Variants in PTPRD observed in about 807,000 individuals in gnomAD.
The protein encoded by PTPRD is receptor-type tyrosine-protein phosphatase delta.
A neutral mutation model predicts 214.5 loss-of-function variants in PTPRD; 34 were observed. The observed-to-expected ratio is 0.16, with a 90% CI of 0.12 to 0.21. The LOEUF is 0.21. Ranked by LOEUF, PTPRD falls within the 10% of genes least tolerant of loss-of-function variation. The probability of loss-of-function intolerance (pLI) is 1.00; values close to 1 mark genes in which losing one functional copy is unlikely to be tolerated. For synonymous variants in PTPRD, 1,128 were observed against 845.7 expected, an observed-to-expected ratio of 1.33 and a Z score of -5.79; for missense variants, 2,545 against 2,398.7, an observed-to-expected ratio of 1.06 and a Z score of -1.27.
At chr9:8,944,540 G>A (rs142984568) in intron 11 of PTPRD, among the ~76,000 whole-genome samples, 138 of 152,112 alleles carry the variant, frequency 9.1e-4, no homozygotes, top group African/African-American at 2.8e-3. Flanking sequence ...AGAAAATGTC[G>A]TACATATACG....
Position 8,518,371 on chromosome 9 carries a change from T to A in PTPRD, c.1020A>T (p.Thr340=), listed in dbSNP as rs2138586408. Residue 340 remains threonine (T), a synonymous_variant, in exon 21 of 46, where the codon ACA becomes ACT. Transcript: ENST00000381196. ...CAGGGTTCCCAGAGTCCCACGTCAG[T>A]GTGATGCTTGTAGCTGTGCTCTCGG... The part of the protein sequence containing the change: ...VVTESTATSI[T]LTWDSGNPEP... The A allele has an allele frequency of 6.2e-7, 1 of 1,614,050 alleles. No individual in the cohort carries two copies. Among genetic ancestry groups the A allele is most frequent in the South Asian group, 1.1e-5 (1 of 91,076 alleles).
chr9:8,848,185 C>T (rs771259356), intron 11 of PTPRD, among the ~76,000 whole-genome samples: 1 of 151,714 alleles, frequency 6.6e-6, no homozygotes, highest in Non-Finnish European at 1.5e-5. Flanking sequence ...AAAAGGTCAT[C>T]GAATCAAAAC....
At chr9:8,358,937 C>G (rs938412264) in intron 39 of PTPRD, among the ~76,000 whole-genome samples, 27 of 150,502 alleles carry the variant, frequency 1.8e-4, no homozygotes, top group Non-Finnish European at 3.4e-4. Context: ...GAAACCCCGT[C>G]TCTACTAAAA....
chr9:8,579,229 C>T (rs755259140), intron 14 of PTPRD, among the ~76,000 whole-genome samples: 3 of 152,208 alleles, frequency 2.0e-5, no homozygotes, highest in Non-Finnish European at 4.4e-5. Flanking sequence ...AACTGTCCAT[C>T]TAATCTTTTC....
intron 8 of PTPRD, among the ~76,000 whole-genome samples, chr9:9,462,042 T>C (rs1174180988): frequency 6.6e-6 from 1 of 152,180 alleles, no homozygotes; most frequent in Non-Finnish European, 1.5e-5. Context: ...TTCTCTATTT[T>C]TGTCTTCCTG....
At chr9:10,364,872 C>A (rs2097484009) in intron 2 of PTPRD, among the ~76,000 whole-genome samples, 1 of 152,254 alleles carries the variant, frequency 6.6e-6, no homozygotes, top group East Asian at 1.9e-4. Flanking sequence ...TCCAATTGTG[C>A]ATTAGACATC....
At chr9:9,226,171 T>C (rs1465732308) in intron 9 of PTPRD, among the ~76,000 whole-genome samples, 2 of 151,860 alleles carry the variant, frequency 1.3e-5, no homozygotes, top group Non-Finnish European at 2.9e-5. Context: ...ATAGTGGTCA[T>C]TTTAGATGGC....
intron 39 of PTPRD, among the ~76,000 whole-genome samples, chr9:8,360,187 T>C (rs969420836): frequency 6.6e-5 from 10 of 152,222 alleles, no homozygotes; most frequent in South Asian, 2.1e-4. Flanking sequence ...GTAATTTGTG[T>C]CCCGTCATAG....
chr9:10,066,130 A>G (rs1409430285), intron 3 of PTPRD, among the ~76,000 whole-genome samples: 4 of 151,860 alleles, frequency 2.6e-5, no homozygotes, highest in Non-Finnish European at 4.4e-5. Flanking sequence ...CTTTTTGCCA[A>G]TTCTGCAGGA....
chr9:8,367,427 A>G (rs1011319569), intron 39 of PTPRD, among the ~76,000 whole-genome samples: 3 of 152,124 alleles, frequency 2.0e-5, no homozygotes, highest in Non-Finnish European at 4.4e-5. Context: ...GTGGTGAGCA[A>G]AGCCCAAGGA....
At chr9:10,508,978 A>G (rs1029512658) in intron 2 of PTPRD, among the ~76,000 whole-genome samples, 3 of 152,014 alleles carry the variant, frequency 2.0e-5, no homozygotes, top group Non-Finnish European at 4.4e-5. Flanking sequence ...TATAAATTGG[A>G]GGCATATAAT....
At chr9:9,031,906 T>C (rs2099606767) in intron 10 of PTPRD, among the ~76,000 whole-genome samples, 1 of 152,066 alleles carries the variant, frequency 6.6e-6, no homozygotes, top group South Asian at 2.1e-4. Flanking sequence ...GGCATTTTAC[T>C]AAATGGAAGA....
At chr9:9,220,972 C>T (rs1469681669) in intron 9 of PTPRD, among the ~76,000 whole-genome samples, 1 of 151,996 alleles carries the variant, frequency 6.6e-6, no homozygotes, top group Non-Finnish European at 1.5e-5. Flanking sequence ...CCAGGATGCC[C>T]ACCTCCATAT....
chr9:9,656,172 G>T (rs377597016), intron 7 of PTPRD, among the ~76,000 whole-genome samples: 3 of 152,080 alleles, frequency 2.0e-5, no homozygotes, highest in Non-Finnish European at 4.4e-5. Flanking sequence ...ATTTCCAGTG[G>T]GAATCCAAAA....
intron 12 of PTPRD, among the ~76,000 whole-genome samples, chr9:8,683,758 A>C (rs2097603930): frequency 6.6e-6 from 1 of 152,186 alleles, no homozygotes. Context: ...GTTCCCAGCT[A>C]AGTCGCAAGG....
chr9:8,691,371 G>A lies in PTPRD; in HGVS notation c.64+42409C>T, dbSNP rs72700365. On this transcript the variant is annotated intron_variant, in intron 12 of 45. Coordinates refer to ENST00000381196, the MANE Select transcript of PTPRD (RefSeq NM_002839.4). Reference sequence around the variant, plus strand: ...GTGTCTACAGTACCATGTTCAGAAGGATTCTGAGGCTGTTCTTCTCTAGAG... The same window carrying A: ...GTGTCTACAGTACCATGTTCAGAAGAATTCTGAGGCTGTTCTTCTCTAGAG... Among the ~76,000 whole-genome samples, 405 of 149,404 alleles carry A rather than the reference G, an allele frequency of 2.7e-3. 1 individual carries two copies. The highest frequency in any genetic ancestry group is 4.1e-3 in the Admixed American group (62 of 14,972).
chr9:10,493,408 C>A (rs959800250), intron 2 of PTPRD, among the ~76,000 whole-genome samples: 2 of 151,966 alleles, frequency 1.3e-5, no homozygotes, highest in African/African-American at 4.8e-5. Context: ...GATATATAGA[C>A]CAATGGAACA....
At chr9:9,548,227 A>G (rs1202101249) in intron 8 of PTPRD, among the ~76,000 whole-genome samples, 1 of 151,900 alleles carries the variant, frequency 6.6e-6, no homozygotes, top group Non-Finnish European at 1.5e-5. Flanking sequence ...ATCAATAATA[A>G]AAGTGACTAA....
intron 11 of PTPRD, among the ~76,000 whole-genome samples, chr9:8,748,522 C>CAAAAA (rs1239091825): frequency 0.1 from 3,498 of 35,074 alleles, 124 homozygotes; most frequent in Non-Finnish European, 0.16. Context: ...CCTGCAACTG[C>CAAAAA]AAAAAAAAAA....
Sources: gnomAD v4.1 joint callset for allele counts (sites outside exome capture counted in the v4.1 genomes callset) on GRCh38, gnomAD v4.1.1 for gene constraint, MANE v1.5 for transcripts, NCBI Gene and HGNC (gene_info 2026-07-23, HGNC 2026-07-21) for gene names.